Variants in LPA observed in about 807,000 individuals in gnomAD.
LPA encodes apolipoprotein(a).
In LPA, 199 loss-of-function variants were observed where a neutral mutation model predicts 197.9. The ratio of observed to expected loss-of-function variants is 1.01; its 90% confidence interval spans 0.90 to 1.13. LPA has a LOEUF of 1.13. LPA is among the 50% of genes most tolerant of loss of function. The pLI is 0.00. For missense variants in LPA, 1,853 were observed against 1,785.8 expected (o/e 1.04, Z -0.68); for synonymous variants, 715 against 639.5 (o/e 1.12, Z -1.78).
rs375063556 is a variant in LPA, at chr6:160,647,535, C to T, written c.210-1140G>A. 1.6e-4 allele frequency among the ~76,000 whole-genome samples: 25 copies of T among 152,300 alleles called. No individual in the cohort carries two copies. In the East Asian group the frequency reaches 4.4e-3, roughly 27 times the overall value. ...ATGAGCAACTGGATGTACTAAGAGCCAGAGCTCTTTAAAGACTTTTTTTTC... is the reference window on the plus strand; with the variant it reads ...ATGAGCAACTGGATGTACTAAGAGCTAGAGCTCTTTAAAGACTTTTTTTTC... On this transcript the variant is annotated intron_variant, in intron 2 of 38. Coordinates refer to ENST00000316300, the MANE Select transcript of LPA (RefSeq NM_005577.4).
intron 30 of LPA, among the ~76,000 whole-genome samples, chr6:160,550,805 C>A (rs1422062484): frequency 1.3e-5 from 2 of 152,176 alleles, no homozygotes; most frequent in Non-Finnish European, 2.9e-5. Context: ...TTTTTGTTAT[C>A]TGGCATCTTT....
rs147936725 is a variant in LPA at position 160,586,587 on chromosome 6, G to A, written c.3991C>T (p.Arg1331Cys). The change falls in exon 25 of 39, where the codon CGC (arginine) becomes TGC (cysteine). Residue 1331 changes from arginine to cysteine, a missense_variant. Physicochemically the swap from Arg to Cys is radical, Grantham distance 180. Around this residue, in one of 3 missense-constraint regions of LPA, gnomAD observed 1,737 missense variants for 1,504.4 expected, o/e 1.15. Transcript: ENST00000316300. The part of the protein sequence containing the change: ...NYCRNPDAEI[R>C]PWCYTMDPSV... ...GGATCCATGGTATAACACCAAGGGC[G>A]AATCTCAGCATCTGGATTCCTGCAG... 5.6e-6 allele frequency: 9 copies of A among 1,613,762 alleles called. No homozygotes were observed. Among genetic ancestry groups the A allele is most frequent in the South Asian group, 1.1e-5 (1 of 91,070 alleles).
chr6:160,548,836 T>C (rs1487219069), intron 30 of LPA, among the ~76,000 whole-genome samples, 177 bp from the exon 31 acceptor site: 1 of 152,210 alleles, frequency 6.6e-6, no homozygotes, highest in South Asian at 2.1e-4. Flanking sequence ...TGTGCATGCC[T>C]TTCAAAGATA....
chr6:160,545,158 TC>T (rs992109169), intron 33 of LPA, among the ~76,000 whole-genome samples: 11 of 152,108 alleles, frequency 7.2e-5, no homozygotes, highest in African/African-American at 1.2e-4. Context: ...GGTGGGACTA[TC>T]CCGGGCTGAT....
intron 26 of LPA, among the ~76,000 whole-genome samples, chr6:160,580,338 T>A (rs1778769629): frequency 6.6e-6 from 1 of 152,248 alleles, no homozygotes; most frequent in Non-Finnish European, 1.5e-5. Context: ...TAGTTTTTAT[T>A]TTGAGTTTAT....
intron 2 of LPA, among the ~76,000 whole-genome samples, chr6:160,649,027 C>T (rs995443595): frequency 2.6e-5 from 4 of 152,124 alleles, no homozygotes; most frequent in African/African-American, 9.7e-5. Context: ...TGATGTTTAC[C>T]TCTAAAGATG....
chr6:160,538,215 A>G (rs1423388603), intron 36 of LPA, among the ~76,000 whole-genome samples: 1 of 152,188 alleles, frequency 6.6e-6, no homozygotes, highest in Non-Finnish European at 1.5e-5. Flanking sequence ...TTAGCCTTTG[A>G]AAGTAGGGAT....
intron 30 of LPA, among the ~76,000 whole-genome samples, chr6:160,553,812 C>T (rs1000122768): frequency 2.0e-5 from 3 of 152,062 alleles, no homozygotes; most frequent in Non-Finnish European, 2.9e-5. Context: ...CCAATATCTC[C>T]TTCCCGTCCT....
chr6:160,654,006 TATATA>T (rs1780066635), intron 1 of LPA, among the ~76,000 whole-genome samples: 1 of 5,734 alleles, frequency 1.7e-4, no homozygotes, highest in African/African-American at 7.3e-4. Flanking sequence ...TTATATATAA[TATATA>T]TTATATATAA....
intron 26 of LPA, among the ~76,000 whole-genome samples, chr6:160,580,412 G>C (rs1174131135): frequency 6.6e-6 from 1 of 151,942 alleles, no homozygotes; most frequent in Non-Finnish European, 1.5e-5. Context: ...CATTTTGGGG[G>C]GTAAATATTC....
chr6:160,584,334 CT>C (rs61645510), intron 26 of LPA, among the ~76,000 whole-genome samples: 26,876 of 105,594 alleles, frequency 0.25, 4,188 homozygotes, highest in East Asian at 0.37. Context: ...TCTTCTTCTT[CT>C]TTTTTTTTTT....
chr6:160,662,662 C>T (rs978513817), intron 1 of LPA, among the ~76,000 whole-genome samples: 5 of 152,208 alleles, frequency 3.3e-5, no homozygotes, highest in African/African-American at 1.2e-4. Flanking sequence ...TCCCTACACA[C>T]ACAGACATAG....
intron 18 of LPA, among the ~76,000 whole-genome samples, chr6:160,602,204 A>G (rs1779257618): frequency 6.6e-6 from 1 of 152,230 alleles, no homozygotes. Flanking sequence ...TCAGAGCTTG[A>G]GTACTTGAAA....
Position 160,578,565 on chromosome 6 carries a change from T to C in LPA, c.4429A>G (p.Thr1477Ala), listed in dbSNP as rs1372276658. The change falls in exon 27 of 39, where the codon ACA becomes GCA. Residue 1477 changes from threonine (T) to alanine (A), a missense_variant. Thr to Ala is a moderately conservative substitution (Grantham distance 58). This residue lies in a region of LPA where 1,737 missense variants were observed against 1,504.4 expected (regional missense o/e 1.15). Coordinates refer to ENST00000316300, the MANE Select transcript of LPA (RefSeq NM_005577.4). ...VTESSVLTTP[T>A]VAPVPSTEAP... ...TCTGTGCTTGGAACCGGGGCCACTG[T>C]GGGAGTTGTGAGGACACTCGATTCT... 6.2e-7 allele frequency: 1 copy of C among 1,613,884 alleles called. No homozygotes were observed. The highest frequency in any genetic ancestry group is 1.1e-5 in the South Asian group (1 of 91,082).
chr6:160,586,583 G>A lies in LPA; in HGVS notation c.3995C>T (p.Pro1332Leu). The A allele has an allele frequency of 6.2e-7, 1 of 1,613,778 alleles. No homozygotes were observed. Among genetic ancestry groups the A allele is most frequent in the Non-Finnish European group, 8.5e-7 (1 of 1,179,816 alleles). ...YCRNPDAEIR[P>L]WCYTMDPSVR... ...ACTGGGATCCATGGTATAACACCAA[G>A]GGCGAATCTCAGCATCTGGATTCCT... The change falls in exon 25 of 39, where the codon CCT becomes CTT. Residue 1332 changes from proline to leucine, a missense_variant. Coordinates refer to ENST00000316300, the MANE Select transcript of LPA (RefSeq NM_005577.4).
chr6:160,570,524 T>C (rs981618879), intron 28 of LPA, among the ~76,000 whole-genome samples: 44 of 152,152 alleles, frequency 2.9e-4, no homozygotes, highest in Non-Finnish European at 5.0e-4. Context: ...TTAGGAGATA[T>C]ACCTAATGTA....
intron 28 of LPA, 80 bp from the exon 29 acceptor site, chr6:160,557,651 A>AG: frequency 7.8e-7 from 1 of 1,287,220 alleles, no homozygotes; most frequent in Non-Finnish European, 1.1e-6. Flanking sequence ...ACTTTGTTAT[A>AG]ACAAAGTGTT....
chr6:160,595,502 A>C lies in LPA; in HGVS notation c.3321T>G (p.Asp1107Glu). Residue 1107 changes from aspartate (D) to glutamate (E), a missense_variant, in exon 21 of 39, where the codon GAT (aspartate) becomes GAG (glutamate). Asp to Glu is a conservative substitution (Grantham distance 45, BLOSUM62 2). Around this residue, in one of 3 missense-constraint regions of LPA, gnomAD observed 1,737 missense variants for 1,504.4 expected, o/e 1.15. Transcript: ENST00000316300. Reference sequence around the variant, plus strand: ...TGTAACACCAAGGGCGAATCTCAGCATCTGGATTCCTGCAGTAGTTCCTGG... The same window carrying C: ...TGTAACACCAAGGGCGAATCTCAGCCTCTGGATTCCTGCAGTAGTTCCTGG... ...GLTRNYCRNP[D>E]AEIRPWCYTM... 1.2e-6 allele frequency: 2 copies of C among 1,614,028 alleles called. No homozygotes were observed. Among genetic ancestry groups the C allele is most frequent in the Non-Finnish European group, 8.5e-7 (1 of 1,179,946 alleles).
intron 19 of LPA, among the ~76,000 whole-genome samples, 196 bp downstream of exon 19, chr6:160,600,721 C>A (rs1208304776): frequency 1.3e-5 from 2 of 152,134 alleles, no homozygotes. Context: ...ATCCTAAAGA[C>A]ACAGCTCGCA....
Sources: gnomAD v4.1 joint callset for allele counts (sites outside exome capture counted in the v4.1 genomes callset) on GRCh38, gnomAD v4.1.1 for gene constraint, gnomAD v4.1.1 regional missense constraint, MANE v1.5 for transcripts, NCBI Gene and HGNC (gene_info 2026-07-23, HGNC 2026-07-21) for gene names.